The following ZNF573 variants were observed in gnomAD, a reference collection of about 807,000 sequenced individuals.
ZNF573 encodes the protein zinc finger protein 573.
ZNF573 carries 41 observed loss-of-function variants against 57.4 expected under a neutral mutation model. The ratio of observed to expected loss-of-function variants is 0.71; its 90% CI spans 0.56 to 0.93. The LOEUF is 0.93. Among genes scored for constraint, ZNF573 ranks in the 40% least tolerant of loss-of-function variants. The pLI, the probability that ZNF573 is intolerant of heterozygous loss-of-function variation, is 0.00. For synonymous variants in ZNF573, 249 were observed against 261.0 expected, an observed-to-expected ratio of 0.95 and a Z score of 0.44; for missense variants, 730 against 794.8, an observed-to-expected ratio of 0.92 and a Z score of 0.98.
At position 37,771,611 on chromosome 19, in the gene ZNF573, A is replaced by G. The variant is rs775341211; in HGVS notation, c.155T>C (p.Leu52Ser). The G allele has an allele frequency of 5.9e-5, 95 of 1,607,146 alleles. No homozygotes were observed. The highest frequency in any genetic ancestry group is 7.6e-5 in the Non-Finnish European group (90 of 1,177,462). Residue 52 changes from leucine (L) to serine (S), a missense_variant, in exon 3 of 5, where the codon TTA becomes TCA. Coordinates refer to ENST00000536220, the MANE Select transcript of ZNF573 (RefSeq NM_001172690.2). ...WEYLDPNQRD[L>S]YRDVMLENYR... ...GTTCTCCAACATCACATCCCTGTAT[A>G]AGTCCCTCTGATTAGGGTCCAGGTA... is the stretch of plus-strand genomic sequence containing the variant.
At chr19:37,754,447 G>C (rs935910628) in intron 4 of ZNF573, among the ~76,000 whole-genome samples, 1 of 151,312 alleles carries the variant, frequency 6.6e-6, no homozygotes, top group South Asian at 2.1e-4. Context: ...TTGAACCCGG[G>C]GGGCAGAGGT....
At chr19:37,745,725 C>A (rs1486674160) in intron 4 of ZNF573, among the ~76,000 whole-genome samples, 1 of 152,134 alleles carries the variant, frequency 6.6e-6, no homozygotes, top group Non-Finnish European at 1.5e-5. Flanking sequence ...GCAGTTTTAA[C>A]CATCTCTATT....
At chr19:37,753,083 C>T (rs36020184) in intron 4 of ZNF573, among the ~76,000 whole-genome samples, 23,048 of 151,918 alleles carry the variant, frequency 0.15, 2,090 homozygotes, top group Non-Finnish European at 0.21. Context: ...AGCAAGACCC[C>T]GTCTCTACAA....
intron 4 of ZNF573, among the ~76,000 whole-genome samples, chr19:37,745,965 C>G (rs2045378544): frequency 6.6e-6 from 1 of 152,156 alleles, no homozygotes; most frequent in South Asian, 2.1e-4. Flanking sequence ...CAGTTACCTT[C>G]CAGTCACACA....
At chr19:37,778,045 A>AAGG (rs71177476) in intron 1 of ZNF573, among the ~76,000 whole-genome samples, 1 of 138,138 alleles carries the variant, frequency 7.2e-6, no homozygotes, top group Non-Finnish European at 1.6e-5. Context: ...AAAAAAAAAA[A>AAGG]GTAATATTTA....
At position 37,739,038 on chromosome 19, in the gene ZNF573, G is replaced by A; in HGVS notation, c.1452C>T (p.Asn484=). ...TATGAGTTTTCCGATGTTGAATAAG[G>A]TTTGAGCCAGTACTATAGGCCTTCC... ...ECGKAYSTGS[N]LIQHRKTHTG... The change falls in exon 5 of 5, where the codon AAC becomes AAT. Residue 484 remains asparagine (N), a synonymous_variant. Transcript: ENST00000536220. The A allele has an allele frequency of 6.2e-7, 1 of 1,613,098 alleles. No homozygotes were observed. The highest frequency in any genetic ancestry group is 8.5e-7 in the Non-Finnish European group (1 of 1,179,746).
At chr19:37,770,765 A>T (rs1034120227) in intron 3 of ZNF573, among the ~76,000 whole-genome samples, 9 of 146,006 alleles carry the variant, frequency 6.2e-5, no homozygotes, top group South Asian at 2.1e-4. Context: ...AGTCTCGAAA[A>T]AAATAAATAA....
intron 4 of ZNF573, among the ~76,000 whole-genome samples, chr19:37,755,509 T>C (rs1021175987): frequency 3.3e-5 from 5 of 152,140 alleles, no homozygotes; most frequent in Admixed American, 6.6e-5. Flanking sequence ...TTTATAGCAG[T>C]ATCAGAGAGC....
chr19:37,757,596 A>G (rs1046066866), intron 4 of ZNF573, among the ~76,000 whole-genome samples: 7 of 152,206 alleles, frequency 4.6e-5, no homozygotes, highest in African/African-American at 1.7e-4. Flanking sequence ...TGTTGGTGGG[A>G]CTGTAAACTA....
chr19:37,774,859 A>C (rs1465807163), intron 1 of ZNF573, among the ~76,000 whole-genome samples: 1 of 152,054 alleles, frequency 6.6e-6, no homozygotes, highest in Admixed American at 6.6e-5. Context: ...TTTTGAATAT[A>C]TTTCATAATC....
chr19:37,751,684 A>G (rs1408960582), intron 4 of ZNF573, among the ~76,000 whole-genome samples: 2 of 144,184 alleles, frequency 1.4e-5, no homozygotes, highest in African/African-American at 5.1e-5. Context: ...TATATAGTAC[A>G]TAGTACCGTA....
Position 37,768,941 on chromosome 19 carries a change from C to T in ZNF573, c.295+1064G>A, listed in dbSNP as rs941552306. Among the ~76,000 whole-genome samples the T allele has an allele frequency of 5.9e-5, 9 of 151,518 alleles. 1 individual carries two copies. The highest frequency in any genetic ancestry group is 1.0e-4 in the Non-Finnish European group (7 of 67,920). ...TCGGCCTCCCAAAGTGCTGGGATTA[C>T]AGGCGTGAGCCGCTGCGCCCGGCCT... On this transcript the variant is annotated intron_variant, in intron 4 of 4. Transcript: ENST00000536220.
chr19:37,769,034 G>A (rs926026532), intron 4 of ZNF573, among the ~76,000 whole-genome samples: 15 of 149,202 alleles, frequency 1.0e-4, no homozygotes, highest in East Asian at 4.1e-4. Flanking sequence ...GCGTGATCTC[G>A]GCTCACTGCA....
chr19:37,754,036 G>T (rs543557713), intron 4 of ZNF573, among the ~76,000 whole-genome samples: 1 of 152,230 alleles, frequency 6.6e-6, no homozygotes, highest in East Asian at 1.9e-4. Flanking sequence ...GGAACATACA[G>T]CGACTACAAT....
Position 37,771,581 on chromosome 19 carries a change from C to G in ZNF573, c.185G>C (p.Arg62Thr). ...AAACTTACCCAGTGATACCAGGTTT[C>G]TATAGTTCTCCAACATCACATCCCT... is the stretch of plus-strand genomic sequence containing the variant. ...LYRDVMLENY[R>T]NLVSLGGHSI... The change falls in exon 3 of 5, where the codon AGA becomes ACA. Residue 62 changes from arginine (R) to threonine (T), a missense_variant. Coordinates refer to ENST00000536220, the MANE Select transcript of ZNF573 (RefSeq NM_001172690.2). 6.2e-7 allele frequency: 1 copy of G among 1,609,766 alleles called. No individual in the cohort carries two copies. Among genetic ancestry groups the G allele is most frequent in the Admixed American group, 1.7e-5 (1 of 59,464 alleles).
chr19:37,750,390 C>T (rs1255179280), intron 4 of ZNF573, among the ~76,000 whole-genome samples: 1 of 151,986 alleles, frequency 6.6e-6, no homozygotes, highest in Non-Finnish European at 1.5e-5. Context: ...AGCCATCCAA[C>T]GTTAGGAAGG....
chr19:37,762,175 T>C (rs191496429), intron 4 of ZNF573, among the ~76,000 whole-genome samples: 3 of 152,348 alleles, frequency 2.0e-5, no homozygotes, highest in East Asian at 3.9e-4. Flanking sequence ...TGATAATACA[T>C]TGCAGATTGT....
At chr19:37,745,382 C>G (rs1028542973) in intron 4 of ZNF573, among the ~76,000 whole-genome samples, 9 of 149,952 alleles carry the variant, frequency 6.0e-5, no homozygotes, top group African/African-American at 9.8e-5. Flanking sequence ...TGCATTCAGC[C>G]AAGACTTTAA....
At chr19:37,760,619 C>T (rs1293135498) in intron 4 of ZNF573, among the ~76,000 whole-genome samples, 1 of 151,502 alleles carries the variant, frequency 6.6e-6, no homozygotes, top group Non-Finnish European at 1.5e-5. Flanking sequence ...GTCAGGAGTT[C>T]GAGACCAGCC....
Sources: gnomAD v4.1 joint callset for allele counts (sites outside exome capture counted in the v4.1 genomes callset) on GRCh38, gnomAD v4.1.1 for gene constraint, MANE v1.5 for transcripts, NCBI Gene and HGNC (gene_info 2026-07-23, HGNC 2026-07-21) for gene names.